ADCY2: variants seen among roughly 807,000 people sequenced by gnomAD.
ADCY2 encodes adenylate cyclase 2.
ADCY2 carries 31 observed loss-of-function variants against 125.2 expected under a neutral mutation model. That is an observed-to-expected ratio of 0.25 (90% CI 0.19 to 0.33). ADCY2 has a LOEUF of 0.33. Among genes scored for constraint, ADCY2 ranks in the 10% least tolerant of loss-of-function variants. ADCY2 has a pLI of 1.00. For synonymous variants in ADCY2, 512 were observed against 548.4 expected (o/e 0.93, Z 0.93); for missense variants, 904 against 1,418.2 (o/e 0.64, Z 5.82).
At chr5:7,420,690 A>G (rs931231197) in intron 2 of ADCY2, among the ~76,000 whole-genome samples, 1 of 152,298 alleles carries the variant, frequency 6.6e-6, no homozygotes. Context: ...ATAACCTCTG[A>G]GTGAAGTCTG....
chr5:7,633,111 TA>T (rs2126665640), intron 4 of ADCY2, among the ~76,000 whole-genome samples: 7 of 151,322 alleles, frequency 4.6e-5, no homozygotes, highest in African/African-American at 1.7e-4. Flanking sequence ...CATTAGCAAC[TA>T]TTTGTTCATT....
At chr5:7,416,682 C>T (rs1188614364) in intron 2 of ADCY2, among the ~76,000 whole-genome samples, 2 of 152,146 alleles carry the variant, frequency 1.3e-5, no homozygotes, top group Non-Finnish European at 2.9e-5. Context: ...TATTCTTATG[C>T]ATCAACATTG....
At chr5:7,494,380 T>A (rs1437442206) in intron 2 of ADCY2, among the ~76,000 whole-genome samples, 2 of 152,142 alleles carry the variant, frequency 1.3e-5, no homozygotes, top group Admixed American at 1.3e-4. Flanking sequence ...AATCTGCAGG[T>A]GCTTTGGCTT....
At chr5:7,459,736 G>A (rs1223403299) in intron 2 of ADCY2, among the ~76,000 whole-genome samples, 1 of 136,010 alleles carries the variant, frequency 7.4e-6, no homozygotes, top group Non-Finnish European at 1.5e-5. Flanking sequence ...ACCTTAATAA[G>A]TCAAATAAAT....
chr5:7,408,720 A>T (rs1028683798), intron 1 of ADCY2, among the ~76,000 whole-genome samples: 2 of 152,128 alleles, frequency 1.3e-5, no homozygotes, highest in African/African-American at 4.8e-5. Context: ...ACCAAAAACA[A>T]AAACAAAAAA....
rs1358012402 is a variant in ADCY2, at chr5:7,802,149, T to C, written c.2629-69T>C. The C allele has an allele frequency of 1.3e-6, 2 of 1,551,356 alleles. No individual in the cohort carries two copies. The highest frequency in any genetic ancestry group is 4.5e-5 in the East Asian group (2 of 44,366). ...GTGAATCCTGGCATAAACAAGCCAC[T>C]TGCCTGTGGAGTGTTTCTGTTTAAA... On this transcript the variant is annotated intron_variant, in intron 20 of 24. Coordinates refer to ENST00000338316, the MANE Select transcript of ADCY2 (RefSeq NM_020546.3). The surrounding 1 kb of genome is among the most constrained non-coding windows in gnomAD (Gnocchi z 4.6).
At position 7,816,924 on chromosome 5, in the gene ADCY2, T is replaced by G. The variant is rs2126537669; in HGVS notation, c.2942T>G (p.Val981Gly). The stretch of plus-strand genomic sequence containing the variant: ...ATGGTGGAGTTTGCTTTTGCCCTGG[T>G]AGGGAAGCTGGATGCCATCAACAAG... ...GTMVEFAFALVGKLDAINKHS... is the reference protein window; with the variant it reads ...GTMVEFAFALGGKLDAINKHS... Residue 981 changes from valine (V) to glycine (G), a missense_variant, in exon 23 of 25, where the codon GTA (valine) becomes GGA (glycine). Val to Gly is a moderately radical substitution (Grantham distance 109, BLOSUM62 -3). Transcript: ENST00000338316. 1 of 1,614,086 alleles carries G rather than the reference T, an allele frequency of 6.2e-7. No homozygotes were observed. Among genetic ancestry groups the G allele is most frequent in the Non-Finnish European group, 8.5e-7 (1 of 1,179,994 alleles).
At chr5:7,527,859 A>C in intron 3 of ADCY2, among the ~76,000 whole-genome samples, 1 of 152,204 alleles carries the variant, frequency 6.6e-6, no homozygotes, top group East Asian at 1.9e-4. Context: ...TTTAGGATCT[A>C]ATCTGAGAAG....
intron 2 of ADCY2, among the ~76,000 whole-genome samples, chr5:7,428,765 T>C (rs1389788367): frequency 6.6e-6 from 1 of 152,094 alleles, no homozygotes; most frequent in African/African-American, 2.4e-5. Flanking sequence ...CTTGAAACAA[T>C]GGCTTTAAGA....
In ADCY2 at chr5:7,575,219, T is replaced by C. The variant is rs114086058; in HGVS notation, c.571-50948T>C. On this transcript the variant is annotated intron_variant, in intron 3 of 24. Transcript: ENST00000338316. ...AAGGAGAAAAATGTCTGCATTTTAATATAATCTTTGGAAGGATGCACATTG... is the reference window on the plus strand; with the variant it reads ...AAGGAGAAAAATGTCTGCATTTTAACATAATCTTTGGAAGGATGCACATTG... Among the ~76,000 whole-genome samples, 1,136 of 152,246 alleles carry C rather than the reference T, an allele frequency of 7.5e-3. 14 individuals carry two copies. Among genetic ancestry groups the C allele is most frequent in the African/African-American group, 0.026 (1,071 of 41,558 alleles).
At chr5:7,811,332 C>G (rs2126531656) in intron 22 of ADCY2, among the ~76,000 whole-genome samples, 1 of 152,164 alleles carries the variant, frequency 6.6e-6, no homozygotes, top group South Asian at 2.1e-4. Flanking sequence ...GAAACCCCAT[C>G]TCTACTAAAA....
At chr5:7,576,338 C>T (rs1374133986) in intron 3 of ADCY2, among the ~76,000 whole-genome samples, 1 of 152,218 alleles carries the variant, frequency 6.6e-6, no homozygotes, top group Non-Finnish European at 1.5e-5. Context: ...AGAGATGCTC[C>T]AGTAGGTGAA....
At chr5:7,607,918 C>T (rs1737436329) in intron 3 of ADCY2, among the ~76,000 whole-genome samples, 1 of 152,114 alleles carries the variant, frequency 6.6e-6, no homozygotes. Flanking sequence ...AGATGTGTCT[C>T]CTGGGGAGAC....
At chr5:7,732,642 T>C (rs996098370) in intron 14 of ADCY2, among the ~76,000 whole-genome samples, 3 of 152,250 alleles carry the variant, frequency 2.0e-5, no homozygotes, top group Non-Finnish European at 4.4e-5. Context: ...GACTTTGTTT[T>C]CTTAACTCAT....
At chr5:7,667,132 T>C (rs547283719) in intron 4 of ADCY2, among the ~76,000 whole-genome samples, 1 of 152,096 alleles carries the variant, frequency 6.6e-6, no homozygotes, top group African/African-American at 2.4e-5. Flanking sequence ...GCAAATAAAC[T>C]GTCTCACAAG....
At position 7,499,695 on chromosome 5, in the gene ADCY2, GTATATATATGTATATATATGTA is replaced by G. The variant is rs1172703569; in HGVS notation, c.409-21034_409-21013del. 4.7e-3 allele frequency among the ~76,000 whole-genome samples: 571 copies of G among 120,996 alleles called. 6 individuals carry two copies. Among genetic ancestry groups the G allele is most frequent in the African/African-American group, 0.016 (554 of 35,028 alleles). 79.4% of individuals were successfully genotyped at this position (120,996 alleles called of 152,430 possible). On this transcript the variant is annotated intron_variant, in intron 2 of 24. Coordinates refer to ENST00000338316, the MANE Select transcript of ADCY2 (RefSeq NM_020546.3). ...TATATATATATATGTATATATATGT[GTATATATATGTATATATATGTA>G]TATATATAAAATGTTACCACTAAAA...
chr5:7,778,384 A>C (rs1037838488), intron 18 of ADCY2, among the ~76,000 whole-genome samples: 3 of 152,194 alleles, frequency 2.0e-5, no homozygotes, highest in Non-Finnish European at 4.4e-5. Flanking sequence ...GGACATGGAG[A>C]GCTTGAGCAG....
At position 7,396,667 on chromosome 5, in the gene ADCY2, C is replaced by G. The variant is rs1413721904; in HGVS notation, c.210+161C>G. On this transcript the variant is annotated intron_variant, in intron 1 of 24. Transcript: ENST00000338316. This position sits in a 1 kb window ranked among gnomAD's most constrained non-coding sequence, Gnocchi z 5.7. ...GCGGCTCCCTGCTTCTCCTGCTGGC[C>G]CGCGGCCCGGTGGACTCTGGCAAGG... is the stretch of plus-strand genomic sequence containing the variant. 6.6e-6 allele frequency among the ~76,000 whole-genome samples: 1 copy of G among 151,964 alleles called. No individual in the cohort carries two copies. Among genetic ancestry groups the G allele is most frequent in the Non-Finnish European group, 1.5e-5 (1 of 67,970 alleles).
intron 3 of ADCY2, among the ~76,000 whole-genome samples, chr5:7,560,839 C>T (rs568932737): frequency 6.6e-6 from 1 of 152,196 alleles, no homozygotes; most frequent in East Asian, 1.9e-4. Flanking sequence ...CAGGCATGCA[C>T]CACCATGCCT....
Sources: allele counts gnomAD v4.1 joint callset (sites outside exome capture counted in the v4.1 genomes callset), GRCh38; gene constraint gnomAD v4.1.1; non-coding constraint Gnocchi (gnomAD v3.1); transcripts MANE v1.5; gene names NCBI Gene and HGNC (gene_info 2026-07-23, HGNC 2026-07-21).